Variants in UQCC5 observed in about 807,000 individuals in gnomAD.
UQCC5 encodes ubiquinol-cytochrome c reductase complex assembly factor 5, also known as UPF0640 protein C3orf78.
At chr3:52,540,493 C>T in the UQCC5 span, 8 of 1,516,654 alleles carry the variant, frequency 5.3e-6, no homozygotes, top group African/African-American at 7.1e-5. Context: ...TGAGACTGAA[C>T]TTCAGCAGTC....
chr3:52,536,731 T>A, the UQCC5 span: 5 of 1,551,570 alleles, frequency 3.2e-6, no homozygotes, highest in Non-Finnish European at 4.4e-6. Flanking sequence ...TTCCGTCATA[T>A]CCCTCTCCAC....
At chr3:52,537,655 T>C in the UQCC5 span, among the ~76,000 whole-genome samples, 8 of 152,170 alleles carry the variant, frequency 5.3e-5, no homozygotes, top group Non-Finnish European at 1.2e-4. Flanking sequence ...AAGGCAGAGG[T>C]GTCCCTTACC....
At chr3:52,541,305 C>G in the UQCC5 span, 1 of 152,106 alleles carries the variant, frequency 6.6e-6, no homozygotes, top group Non-Finnish European at 1.5e-5. Flanking sequence ...GCTTGCATAG[C>G]CACATCTAAC....
chr3:52,536,950 C>T, the UQCC5 span: 163 of 1,549,086 alleles, frequency 1.1e-4, no homozygotes, highest in Middle Eastern at 7.0e-4. Flanking sequence ...CAGGAAGGCA[C>T]GAGGCGGTAG....
chr3:52,536,973 C>G, the UQCC5 span: 1 of 1,537,238 alleles, frequency 6.5e-7, no homozygotes, highest in South Asian at 1.2e-5. Flanking sequence ...ATCCGTTTTT[C>G]TGGGGAGTAT....
chr3:52,541,336 A>G, the UQCC5 span: 1 of 152,208 alleles, frequency 6.6e-6, no homozygotes, highest in East Asian at 1.9e-4. Flanking sequence ...GCAAAAAAAA[A>G]TCTACATACT....
chr3:52,537,564 A>G, the UQCC5 span, among the ~76,000 whole-genome samples: 1 of 152,240 alleles, frequency 6.6e-6, no homozygotes, highest in Non-Finnish European at 1.5e-5. Context: ...TTGTTACATT[A>G]GTGATTCCTA....
chr3:52,540,629 A>C, the UQCC5 span: 8 of 622,856 alleles, frequency 1.3e-5, no homozygotes, highest in African/African-American at 5.8e-5. Flanking sequence ...GTTTTTGCAA[A>C]GAATTTTTAT....
chr3:52,540,356 A>G, the UQCC5 span: 4 of 1,202,518 alleles, frequency 3.3e-6, no homozygotes, highest in South Asian at 5.9e-5. Context: ...CTATTGGTTA[A>G]ATTATTCAGA....
chr3:52,539,730 C>G, the UQCC5 span, among the ~76,000 whole-genome samples: 1 of 151,502 alleles, frequency 6.6e-6, no homozygotes, highest in African/African-American at 2.4e-5. Context: ...CCTCTGCCTC[C>G]TGGGTTCAAG....
the UQCC5 span, among the ~76,000 whole-genome samples, chr3:52,539,957 T>C: frequency 6.6e-6 from 1 of 152,124 alleles, no homozygotes; most frequent in African/African-American, 2.4e-5. Flanking sequence ...ATTCTTTACA[T>C]GAAGGTGGCG....
chr3:52,539,841 A>G, the UQCC5 span, among the ~76,000 whole-genome samples: 1 of 152,008 alleles, frequency 6.6e-6, no homozygotes, highest in Non-Finnish European at 1.5e-5. Context: ...GTTTCACCAT[A>G]CTGGCCAGGC....
the UQCC5 span, chr3:52,541,456 A>G: frequency 2.6e-5 from 4 of 152,156 alleles, no homozygotes; most frequent in Non-Finnish European, 5.9e-5. Context: ...ATGTCTCCTA[A>G]TTTTTTCTAG....
At chr3:52,540,400 T>C in the UQCC5 span, 1 of 1,503,682 alleles carries the variant, frequency 6.7e-7, no homozygotes, top group Non-Finnish European at 8.9e-7. Context: ...CTTAAACATC[T>C]GAGCAACTTT....
chr3:52,540,080 G>A, the UQCC5 span, among the ~76,000 whole-genome samples: 21 of 152,246 alleles, frequency 1.4e-4, no homozygotes, highest in Admixed American at 6.5e-5. Context: ...GGCAAGAAGT[G>A]CCTTTGAGGA....
the UQCC5 span, chr3:52,540,574 C>G: frequency 2.1e-6 from 2 of 940,580 alleles, no homozygotes; most frequent in African/African-American, 3.4e-5. Context: ...ATCTCTTGTT[C>G]TGACACAGCT....
At chr3:52,539,638 A>ATT in the UQCC5 span, among the ~76,000 whole-genome samples, 6 of 139,744 alleles carry the variant, frequency 4.3e-5, no homozygotes, top group African/African-American at 1.1e-4. Context: ...AAGGAAGAAG[A>ATT]TTTTTTTTTT....
the UQCC5 span, among the ~76,000 whole-genome samples, chr3:52,539,080 G>A: frequency 0.38 from 57,204 of 151,788 alleles, 12,121 homozygotes; most frequent in Admixed American, 0.49. Context: ...GCCATTTGGG[G>A]GTGGGTGAAA....
chr3:52,540,561 C>G, the UQCC5 span: 4 of 1,072,192 alleles, frequency 3.7e-6, no homozygotes, highest in African/African-American at 1.6e-5. Context: ...ATATACTTTT[C>G]AGATCTCTTG....
Sources: gnomAD v4.1 joint callset for allele counts (sites outside exome capture counted in the v4.1 genomes callset) on GRCh38, gnomAD v4.1.1 for gene constraint, MANE v1.5 for transcripts, NCBI Gene and HGNC (gene_info 2026-07-23, HGNC 2026-07-21) for gene names.